The following ERC2 variants were observed in gnomAD, a reference collection of about 807,000 sequenced individuals.
ERC2 encodes the protein ELKS/RAB6-interacting/CAST family member 2.
A neutral mutation model predicts 114.8 loss-of-function variants in ERC2; 42 were observed. The observed-to-expected ratio is 0.37, with a 90% CI of 0.29 to 0.47. ERC2 has a LOEUF of 0.47. ERC2 is among the 20% of genes least tolerant of loss of function. The probability of loss-of-function intolerance (pLI) is 0.99; values close to 1 mark genes in which losing one functional copy is unlikely to be tolerated. For missense variants in ERC2, 939 were observed against 1,150.7 expected (o/e 0.82, Z 2.66); for synonymous variants, 454 against 425.5 (o/e 1.07, Z -0.82).
chr3:55,556,509 A>G (rs1366994500), intron 17 of ERC2, among the ~76,000 whole-genome samples: 4 of 152,198 alleles, frequency 2.6e-5, no homozygotes, highest in Non-Finnish European at 5.9e-5. Flanking sequence ...AACTTGGCCA[A>G]TCACAGCATC....
intron 13 of ERC2, among the ~76,000 whole-genome samples, chr3:55,910,994 C>T (rs2064766185): frequency 6.6e-6 from 1 of 152,202 alleles, no homozygotes; most frequent in South Asian, 2.1e-4. Flanking sequence ...TCATGGTGCT[C>T]ATAGTCTAGC....
chr3:56,214,403 A>T (rs2049307181), intron 3 of ERC2, among the ~76,000 whole-genome samples: 1 of 151,672 alleles, frequency 6.6e-6, no homozygotes, highest in Admixed American at 6.6e-5. Flanking sequence ...GTGATGGAAG[A>T]TCAAATGAAT....
At chr3:55,598,791 G>A (rs539831154) in intron 17 of ERC2, among the ~76,000 whole-genome samples, 1 of 152,356 alleles carries the variant, frequency 6.6e-6, no homozygotes, top group South Asian at 2.1e-4. Context: ...TGCTGTAGGG[G>A]CAGTCAAGAT....
intron 10 of ERC2, among the ~76,000 whole-genome samples, chr3:55,999,799 C>A (rs1426463058): frequency 6.6e-6 from 1 of 151,192 alleles, no homozygotes; most frequent in Non-Finnish European, 1.5e-5. Flanking sequence ...ATAAATAGTT[C>A]TAAAATTATT....
rs546606031 is a variant in ERC2, at chr3:55,703,324, G to C, written c.2713-3812C>G. 2.9e-4 allele frequency among the ~76,000 whole-genome samples: 44 copies of C among 152,278 alleles called. No individual in the cohort carries two copies. In the South Asian group the frequency reaches 8.7e-3, roughly 30 times the overall value. The stretch of plus-strand genomic sequence containing the variant: ...TACACCTCCCAGTCTCCTTGTCCCA[G>C]CCTTGGGACATGCTGTTCTCTCTCT... On this transcript the variant is annotated intron_variant, in intron 15 of 17. Coordinates refer to ENST00000288221, the MANE Select transcript of ERC2 (RefSeq NM_015576.3).
At chr3:55,666,671 A>G (rs935032243) in intron 17 of ERC2, among the ~76,000 whole-genome samples, 1 of 152,242 alleles carries the variant, frequency 6.6e-6, no homozygotes, top group Non-Finnish European at 1.5e-5. Flanking sequence ...ATTGGCATCC[A>G]GTAGGTAGAG....
rs2055437531 is a variant in ERC2, at chr3:56,296,418, G to A, written c.675C>T (p.Ile225=). 1 of 1,612,694 alleles carries A rather than the reference G, an allele frequency of 6.2e-7. No individual in the cohort carries two copies. The highest frequency in any genetic ancestry group is 1.3e-5 in the African/African-American group (1 of 74,908). ...TTCGCAGCTCATCTTGAAGGGCCTGGATTGTCAACTGTAGGTGCTGCAATG... is the reference window on the plus strand; with the variant it reads ...TTCGCAGCTCATCTTGAAGGGCCTGAATTGTCAACTGTAGGTGCTGCAATG... ...HEENQHLQLT[I]QALQDELRTQ... The change falls in exon 3 of 18, where the codon ATC becomes ATT. Residue 225 remains isoleucine (I), a synonymous_variant. Coordinates refer to ENST00000288221, the MANE Select transcript of ERC2 (RefSeq NM_015576.3).
intron 14 of ERC2, among the ~76,000 whole-genome samples, chr3:55,827,578 A>G (rs2060383398): frequency 6.6e-6 from 1 of 152,226 alleles, no homozygotes; most frequent in Admixed American, 6.5e-5. Flanking sequence ...TGTTGATTGA[A>G]TAATCACTAC....
At position 56,170,585 on chromosome 3, in the gene ERC2, G is replaced by GTT. The variant is rs1178172687; in HGVS notation, c.1149+2859_1149+2860dup. Among the ~76,000 whole-genome samples, 212 of 61,748 alleles carry GTT rather than the reference G, an allele frequency of 3.4e-3. 19 individuals are homozygous for GTT. Among genetic ancestry groups the GTT allele is most frequent in the African/African-American group, 8.3e-3 (134 of 16,156 alleles). 40.5% of individuals were successfully genotyped at this position (61,748 alleles called of 152,430 possible). On this transcript the variant is annotated intron_variant, in intron 4 of 17. Transcript: ENST00000288221. Reference sequence around the variant, plus strand: ...CAATTTAGTCTAAGAAATCTCTTCTGTTTTTTTTTTTTTTTTTTTTTTTTT... The same window carrying GTT: ...CAATTTAGTCTAAGAAATCTCTTCTGTTTTTTTTTTTTTTTTTTTTTTTTTTT...
At chr3:56,293,635 C>G (rs920632672) in intron 3 of ERC2, among the ~76,000 whole-genome samples, 1 of 152,106 alleles carries the variant, frequency 6.6e-6, no homozygotes, top group Non-Finnish European at 1.5e-5. Context: ...CCAAATTCTC[C>G]CCCTCTTGAT....
intron 1 of ERC2, chr3:56,467,144 G>A (rs1196691632): frequency 3.9e-5 from 6 of 152,148 alleles, no homozygotes; most frequent in African/African-American, 1.4e-4. Flanking sequence ...CATACCAGGT[G>A]GAAACCAATG....
At chr3:56,223,313 G>A (rs1000923356) in intron 3 of ERC2, among the ~76,000 whole-genome samples, 1 of 152,118 alleles carries the variant, frequency 6.6e-6, no homozygotes, top group Non-Finnish European at 1.5e-5. Flanking sequence ...TGGCATTGTG[G>A]TGGGACCTCT....
chr3:55,791,032 A>G (rs1415732868), intron 14 of ERC2, among the ~76,000 whole-genome samples: 1 of 152,240 alleles, frequency 6.6e-6, no homozygotes, highest in African/African-American at 2.4e-5. Context: ...CAGGGTCATC[A>G]TGAGACTCAA....
chr3:55,703,423 C>T (rs557125920), intron 15 of ERC2, among the ~76,000 whole-genome samples: 41 of 152,328 alleles, frequency 2.7e-4, no homozygotes, highest in African/African-American at 9.6e-4. Context: ...GCTTCAATGC[C>T]ATCATCTCCA....
rs763484968 is a variant in ERC2 at position 56,059,009 on chromosome 3, T to C, written c.1641+21808A>G. Among the ~76,000 whole-genome samples, 5 of 152,154 alleles carry C rather than the reference T, an allele frequency of 3.3e-5. No homozygotes were observed. The South Asian group carries it at 6.2e-4, about 19-fold the overall frequency. On this transcript the variant is annotated intron_variant, in intron 7 of 17. Transcript: ENST00000288221. ...TGGCTAAGGGTCAATGAGGGGATCA[T>C]AGAAAGCCAGAAAATTATAAGGCTT... is the stretch of plus-strand genomic sequence containing the variant.
intron 17 of ERC2, among the ~76,000 whole-genome samples, chr3:55,672,056 A>G (rs1252561910): frequency 2.0e-5 from 3 of 152,190 alleles, no homozygotes; most frequent in Non-Finnish European, 4.4e-5. Flanking sequence ...ATTTTTTAAA[A>G]TAGTGGCCAG....
At chr3:56,376,954 C>T (rs759762033) in intron 2 of ERC2, among the ~76,000 whole-genome samples, 12 of 152,126 alleles carry the variant, frequency 7.9e-5, no homozygotes, top group Non-Finnish European at 1.3e-4. Context: ...TAGCCAGATT[C>T]GGTTTTTCAA....
intron 2 of ERC2, among the ~76,000 whole-genome samples, chr3:56,296,900 AC>A: frequency 6.6e-6 from 1 of 152,342 alleles, no homozygotes; most frequent in Non-Finnish European, 1.5e-5. Context: ...AGCATCCACT[AC>A]AAGTAGACAC....
At chr3:55,671,663 T>C (rs1321569404) in intron 17 of ERC2, among the ~76,000 whole-genome samples, 1 of 152,192 alleles carries the variant, frequency 6.6e-6, no homozygotes, top group East Asian at 1.9e-4. Flanking sequence ...CTAATGGTGG[T>C]GCTAGGCTAT....
Sources: allele counts gnomAD v4.1 joint callset (sites outside exome capture counted in the v4.1 genomes callset), GRCh38; gene constraint gnomAD v4.1.1; transcripts MANE v1.5; gene names NCBI Gene and HGNC (gene_info 2026-07-23, HGNC 2026-07-21).